Variants in RNF169 observed in about 807,000 individuals in gnomAD.
RNF169 encodes ring finger protein 169, also known as E3 ubiquitin-protein ligase RNF169.
Under a neutral mutation model 53.9 loss-of-function variants are expected in RNF169, and 24 were observed. The observed-to-expected ratio is 0.45, with a 90% confidence interval of 0.32 to 0.63. RNF169 has a LOEUF of 0.63. Ranked by LOEUF, RNF169 falls within the 20% of genes least tolerant of loss-of-function variation. RNF169 has a pLI of 0.04. For missense variants in RNF169, 883 were observed against 906.2 expected (o/e 0.97, Z 0.33); for synonymous variants, 396 against 363.5 (o/e 1.09, Z -1.02).
intron 2 of RNF169, among the ~76,000 whole-genome samples, chr11:74,801,833 T>A (rs1311159696): frequency 6.6e-6 from 1 of 152,222 alleles, no homozygotes; most frequent in African/African-American, 2.4e-5. Context: ...GTTAGATTTT[T>A]AAAAATACGT....
At chr11:74,757,525 G>T (rs1272979502) in intron 1 of RNF169, among the ~76,000 whole-genome samples, 1 of 139,812 alleles carries the variant, frequency 7.2e-6, no homozygotes. Context: ...TAATGGGATG[G>T]CTGGGTCAAA....
chr11:74,760,390 T>G (rs1360096494), intron 1 of RNF169, among the ~76,000 whole-genome samples: 3 of 151,334 alleles, frequency 2.0e-5, no homozygotes, highest in Non-Finnish European at 4.5e-5. Flanking sequence ...CTAGTTCTTT[T>G]AATTGTGATG....
At chr11:74,782,255 T>G (rs1041030723) in intron 1 of RNF169, among the ~76,000 whole-genome samples, 1 of 152,034 alleles carries the variant, frequency 6.6e-6, no homozygotes, top group African/African-American at 2.4e-5. Flanking sequence ...GAATGTAAAA[T>G]AGGCAGGGCA....
chr11:74,766,154 GTTT>G (rs2035171146), intron 1 of RNF169, among the ~76,000 whole-genome samples: 1 of 152,128 alleles, frequency 6.6e-6, no homozygotes, highest in Admixed American at 6.5e-5. Flanking sequence ...GGATAAAATA[GTTT>G]TGTGGAAAAG....
chr11:74,841,212 T>A lies in RNF169; in HGVS notation c.*4482T>A, dbSNP rs1392750948. Reference sequence around the variant, plus strand: ...CTTAAATTGTCCTCAGGCAGCCTTTTCCTCATCAACCCATAGAGTGGTCTT... The same window carrying A: ...CTTAAATTGTCCTCAGGCAGCCTTTACCTCATCAACCCATAGAGTGGTCTT... On this transcript the variant is annotated 3_prime_UTR_variant, in exon 6 of 6. Coordinates refer to ENST00000299563, the MANE Select transcript of RNF169 (RefSeq NM_001098638.2). 1 of 152,228 alleles carries A rather than the reference T, an allele frequency of 6.6e-6. No individual in the cohort carries two copies. Among genetic ancestry groups the A allele is most frequent in the Non-Finnish European group, 1.5e-5 (1 of 68,050 alleles). The allele number at this position is 152,228 out of a possible 1,614,324, so 9.4% of individuals were successfully genotyped here. A position where few individuals can be genotyped will look rare whatever the true frequency, so the allele number is the denominator to read the frequency against.
intron 4 of RNF169, among the ~76,000 whole-genome samples, chr11:74,824,382 AT>A (rs1192682631): frequency 6.6e-6 from 1 of 152,240 alleles, no homozygotes; most frequent in Non-Finnish European, 1.5e-5. Context: ...GTGAAACACC[AT>A]TAAGTGTACC....
At chr11:74,768,787 A>G (rs1419432455) in intron 1 of RNF169, among the ~76,000 whole-genome samples, 3 of 152,044 alleles carry the variant, frequency 2.0e-5, no homozygotes, top group Non-Finnish European at 4.4e-5. Context: ...GCTCATGCCT[A>G]TAATCCCAGG....
chr11:74,832,288 G>A (rs1364854161), intron 4 of RNF169: 1 of 151,106 alleles, frequency 6.6e-6, no homozygotes, highest in South Asian at 2.1e-4. Context: ...TAGATTGTCA[G>A]AATTTTTTTT....
chr11:74,762,711 A>T (rs1356202438), intron 1 of RNF169, among the ~76,000 whole-genome samples: 2 of 152,234 alleles, frequency 1.3e-5, no homozygotes, highest in East Asian at 1.9e-4. Context: ...TGGAACTACA[A>T]ACCAAAACTG....
At chr11:74,774,443 G>T (rs1591396596) in intron 1 of RNF169, among the ~76,000 whole-genome samples, 5 of 151,788 alleles carry the variant, frequency 3.3e-5, no homozygotes, top group Admixed American at 3.3e-4. Flanking sequence ...GCTAGTATTA[G>T]ATATTTTAAT....
At chr11:74,765,785 A>C (rs1483961899) in intron 1 of RNF169, among the ~76,000 whole-genome samples, 1 of 150,774 alleles carries the variant, frequency 6.6e-6, no homozygotes, top group African/African-American at 2.4e-5. Context: ...CTGGGCAACA[A>C]CCGCAGCCTG....
At chr11:74,785,276 G>GAGAT (rs1326638856) in intron 1 of RNF169, among the ~76,000 whole-genome samples, 5 of 135,560 alleles carry the variant, frequency 3.7e-5, no homozygotes, top group East Asian at 2.1e-4. Flanking sequence ...ATATATATTA[G>GAGAT]ATATATATAT....
Position 74,774,729 on chromosome 11 carries a change from C to T in RNF169, c.503-14897C>T, listed in dbSNP as rs112472277. Among the ~76,000 whole-genome samples the T allele has an allele frequency of 2.3e-4, 35 of 152,040 alleles. No homozygotes were observed. In the South Asian group the frequency reaches 4.2e-3, roughly 18 times the overall value. On this transcript the variant is annotated intron_variant, in intron 1 of 5. Coordinates refer to ENST00000299563, the MANE Select transcript of RNF169 (RefSeq NM_001098638.2). ...TAGCACTTTGGGATGCCGAGGTGGG[C>T]GGATCACTTGAGGTCAGGAGTTTGA...
intron 1 of RNF169, among the ~76,000 whole-genome samples, chr11:74,778,899 A>C (rs567244928): frequency 1.3e-5 from 2 of 152,344 alleles, no homozygotes; most frequent in African/African-American, 4.8e-5. Flanking sequence ...GGTATGCTGA[A>C]GTTATTGCTA....
intron 2 of RNF169, among the ~76,000 whole-genome samples, chr11:74,806,314 G>A (rs968227847): frequency 6.6e-6 from 1 of 152,100 alleles, no homozygotes; most frequent in African/African-American, 2.4e-5. Context: ...ACATTGAAAT[G>A]GCTAAAATTG....
chr11:74,760,279 T>G (rs2035060450), intron 1 of RNF169, among the ~76,000 whole-genome samples: 2 of 152,232 alleles, frequency 1.3e-5, no homozygotes, highest in African/African-American at 4.8e-5. Context: ...ATTCATTGAT[T>G]TTTTGAAGGG....
intron 1 of RNF169, among the ~76,000 whole-genome samples, chr11:74,769,463 G>T (rs1297320591): frequency 6.6e-6 from 1 of 152,214 alleles, no homozygotes; most frequent in African/African-American, 2.4e-5. Flanking sequence ...TCCTTGCTAT[G>T]CAGAGATTCC....
intron 4 of RNF169, among the ~76,000 whole-genome samples, chr11:74,818,582 C>T (rs1295295183): frequency 3.9e-5 from 6 of 152,056 alleles, no homozygotes; most frequent in East Asian, 1.9e-4. Context: ...TTTGTAGAGA[C>T]GAGGTCTCCT....
At chr11:74,811,867 G>T (rs1405856413) in intron 3 of RNF169, among the ~76,000 whole-genome samples, 1 of 152,154 alleles carries the variant, frequency 6.6e-6, no homozygotes, top group Admixed American at 6.5e-5. Context: ...GTAGTATGTT[G>T]TATGACTAGT....
Sources: allele counts gnomAD v4.1 joint callset (sites outside exome capture counted in the v4.1 genomes callset), GRCh38; gene constraint gnomAD v4.1.1; transcripts MANE v1.5; gene names NCBI Gene and HGNC (gene_info 2026-07-23, HGNC 2026-07-21).